RSRC1: variants seen among roughly 807,000 people sequenced by gnomAD.
RSRC1 encodes arginine and serine rich coiled-coil 1.
Under a neutral mutation model 49.1 loss-of-function variants are expected in RSRC1, and 39 were observed. That is an observed-to-expected ratio of 0.79 (90% CI 0.61 to 1.04). The LOEUF (loss-of-function observed/expected upper bound fraction) is 1.04, where lower values mean the gene tolerates loss of function less well. RSRC1 is among the 50% of genes least tolerant of loss of function. The pLI is 0.00. For missense variants in RSRC1, 388 were observed against 402.4 expected (o/e 0.96, Z 0.31); for synonymous variants, 143 against 130.8 (o/e 1.09, Z -0.63).
intron 3 of RSRC1, among the ~76,000 whole-genome samples, chr3:158,174,218 G>A (rs1719062981): frequency 1.3e-5 from 2 of 151,790 alleles, no homozygotes; most frequent in South Asian, 4.1e-4. Context: ...TGATAAGTGT[G>A]CTTAATGAAT....
intron 3 of RSRC1, among the ~76,000 whole-genome samples, chr3:158,191,174 A>G (rs1720220710): frequency 6.6e-6 from 1 of 151,172 alleles, no homozygotes; most frequent in Non-Finnish European, 1.5e-5. Context: ...AAAGCGCATC[A>G]CTCCTAGAGT....
intron 4 of RSRC1, among the ~76,000 whole-genome samples, chr3:158,241,644 T>A (rs911436039): frequency 1.3e-5 from 2 of 152,094 alleles, no homozygotes; most frequent in African/African-American, 4.8e-5. Flanking sequence ...TTATGTAAAC[T>A]AATGTTAAAC....
At chr3:158,327,316 G>A (rs1339844160) in intron 5 of RSRC1, among the ~76,000 whole-genome samples, 1 of 152,070 alleles carries the variant, frequency 6.6e-6, no homozygotes, top group East Asian at 1.9e-4. Flanking sequence ...TCTTTTAATT[G>A]TGATGTTAGG....
chr3:158,514,976 C>T (rs1233321870), intron 7 of RSRC1, among the ~76,000 whole-genome samples: 3 of 151,676 alleles, frequency 2.0e-5, no homozygotes, highest in African/African-American at 7.3e-5. Context: ...CTTGGTAGAT[C>T]TTCCTCCATC....
intron 4 of RSRC1, 102 bp from the exon 5 acceptor site, chr3:158,297,937 A>G (rs1578304940): frequency 1.2e-6 from 1 of 806,934 alleles, no homozygotes; most frequent in South Asian, 1.5e-5. Flanking sequence ...AAGTAAATAC[A>G]TATGAAAAAA....
At chr3:158,487,968 A>AAAAAAAAAAAAAAAAAAAT (rs1738897565) in intron 7 of RSRC1, among the ~76,000 whole-genome samples, 1 of 148,580 alleles carries the variant, frequency 6.7e-6, no homozygotes, top group Non-Finnish European at 1.5e-5. Context: ...AAAAAAAAAA[A>AAAAAAAAAAAAAAAAAAAT]AAAAAACTGG....
chr3:158,178,761 A>G (rs1219249392), intron 3 of RSRC1, among the ~76,000 whole-genome samples: 2 of 151,864 alleles, frequency 1.3e-5, no homozygotes, highest in Non-Finnish European at 2.9e-5. Flanking sequence ...GAAGTTGAGA[A>G]CGGCTAGCCA....
chr3:158,135,525 A>ACG (rs1276063951), intron 3 of RSRC1, among the ~76,000 whole-genome samples: 1 of 151,300 alleles, frequency 6.6e-6, no homozygotes, highest in Non-Finnish European at 1.5e-5. Context: ...AGTGATCTAC[A>ACG]CGCCTAGGCC....
intron 4 of RSRC1, among the ~76,000 whole-genome samples, chr3:158,212,094 CAG>C (rs886432310): frequency 6.6e-6 from 1 of 151,790 alleles, no homozygotes; most frequent in African/African-American, 2.4e-5. Flanking sequence ...CTAATCTGAA[CAG>C]AGTTTTGTAA....
chr3:158,183,625 A>T (rs1174069378), intron 3 of RSRC1, among the ~76,000 whole-genome samples: 1 of 152,174 alleles, frequency 6.6e-6, no homozygotes, highest in Non-Finnish European at 1.5e-5. Context: ...GAGCCTAAAG[A>T]TTCCTTTTCA....
intron 3 of RSRC1, among the ~76,000 whole-genome samples, chr3:158,142,794 G>A (rs1460004240): frequency 1.3e-5 from 2 of 152,008 alleles, no homozygotes; most frequent in East Asian, 1.9e-4. Flanking sequence ...CCAACACTGG[G>A]GATTATATTT....
intron 7 of RSRC1, among the ~76,000 whole-genome samples, chr3:158,466,645 T>C (rs2108414136): frequency 6.6e-6 from 1 of 152,318 alleles, no homozygotes; most frequent in African/African-American, 2.4e-5. Flanking sequence ...GTTCAGAATC[T>C]CAGCTCTGCC....
intron 3 of RSRC1, among the ~76,000 whole-genome samples, chr3:158,142,164 A>G (rs1278262513): frequency 6.6e-6 from 1 of 152,264 alleles, no homozygotes; most frequent in Non-Finnish European, 1.5e-5. Flanking sequence ...CTTAATCATC[A>G]TGATTTGAAA....
intron 7 of RSRC1, among the ~76,000 whole-genome samples, chr3:158,504,435 T>C (rs1739760715): frequency 6.6e-6 from 1 of 152,240 alleles, no homozygotes. Context: ...AATATTTTAA[T>C]GGTATAGCCA....
chr3:158,115,634 T>C (rs182762777), intron 1 of RSRC1, among the ~76,000 whole-genome samples: 113 of 152,314 alleles, frequency 7.4e-4, no homozygotes, highest in African/African-American at 2.7e-3. Flanking sequence ...AAAATAACTG[T>C]GTTTTCCAAA....
intron 3 of RSRC1, among the ~76,000 whole-genome samples, chr3:158,151,985 T>G (rs1237978731): frequency 2.6e-5 from 4 of 152,208 alleles, no homozygotes; most frequent in Admixed American, 6.6e-5. Flanking sequence ...TTAGAGCCTT[T>G]GATTATGGCT....
intron 5 of RSRC1, among the ~76,000 whole-genome samples, chr3:158,317,216 T>G (rs973506987): frequency 6.6e-6 from 1 of 152,138 alleles, no homozygotes; most frequent in Non-Finnish European, 1.5e-5. Flanking sequence ...ATGTTAGTAC[T>G]TAGGTATTTT....
chr3:158,188,991 A>G (rs1244124724), intron 3 of RSRC1, among the ~76,000 whole-genome samples: 1 of 151,782 alleles, frequency 6.6e-6, no homozygotes, highest in African/African-American at 2.4e-5. Flanking sequence ...CTTTAGCTAT[A>G]TTCTACAAAT....
intron 5 of RSRC1, among the ~76,000 whole-genome samples, chr3:158,322,810 T>C (rs957032830): frequency 6.6e-6 from 1 of 152,200 alleles, no homozygotes; most frequent in Non-Finnish European, 1.5e-5. Flanking sequence ...GTTTTTTTTC[T>C]CTTTGTTTTC....
Sources: allele counts gnomAD v4.1 joint callset (sites outside exome capture counted in the v4.1 genomes callset), GRCh38; gene constraint gnomAD v4.1.1; transcripts MANE v1.5; gene names NCBI Gene and HGNC (gene_info 2026-07-23, HGNC 2026-07-21).